Variants in TRIM9 observed in about 807,000 individuals in gnomAD.
TRIM9 encodes the protein E3 ubiquitin-protein ligase TRIM9.
TRIM9 carries 26 observed loss-of-function variants against 78.3 expected under a neutral mutation model. The ratio of observed to expected loss-of-function variants is 0.33; its 90% CI spans 0.24 to 0.46. The LOEUF is 0.46. Ranked by LOEUF, TRIM9 falls within the 20% of genes least tolerant of loss-of-function variation. The pLI, the probability that TRIM9 is intolerant of heterozygous loss-of-function variation, is 1.00. For synonymous variants in TRIM9, 398 were observed against 416.5 expected (o/e 0.96, Z 0.54); for missense variants, 787 against 1,036.4 (o/e 0.76, Z 3.30).
rs1024900099 is a variant in TRIM9, at chr14:50,982,281, A to G, written c.1859-178T>C. 2.0e-5 allele frequency: 13 copies of G among 664,892 alleles called. No individual in the cohort carries two copies. The Admixed American group carries it at 3.7e-4, about 19-fold the overall frequency. 41.2% of individuals were successfully genotyped at this position (664,892 alleles called of 1,614,324 possible). The stretch of plus-strand genomic sequence containing the variant: ...CCTGGGAGTTGGTACTCTCTGCACC[A>G]GAAGCAGACGGAGGACACACGACCG... On this transcript the variant is annotated intron_variant, in intron 10 of 12. Coordinates refer to ENST00000684578, the MANE Select transcript of TRIM9 (RefSeq NM_001387360.1).
chr14:50,985,058 G>A (rs2052512351), intron 8 of TRIM9, among the ~76,000 whole-genome samples: 1 of 152,162 alleles, frequency 6.6e-6, no homozygotes, highest in Admixed American at 6.5e-5. Context: ...AGAAACCTTT[G>A]GAAATATGAA....
At chr14:50,981,492 T>C (rs1275378732) in intron 11 of TRIM9, among the ~76,000 whole-genome samples, 17 of 152,224 alleles carry the variant, frequency 1.1e-4, no homozygotes, top group Non-Finnish European at 2.4e-4. Flanking sequence ...TGTTAAGTTG[T>C]AGGTCTGGGT....
At chr14:50,995,929 G>A (rs1237189545) in intron 7 of TRIM9, 1 of 209,600 alleles carries the variant, frequency 4.8e-6, no homozygotes, top group East Asian at 1.8e-4. Context: ...TGATCCTATA[G>A]GCTTTGTCTA....
intron 1 of TRIM9, among the ~76,000 whole-genome samples, chr14:51,064,021 T>C (rs1201752795): frequency 6.6e-6 from 1 of 152,110 alleles, no homozygotes; most frequent in Non-Finnish European, 1.5e-5. Flanking sequence ...GCAAAAATTA[T>C]AGCACTATAT....
At chr14:51,011,281 T>C (rs762847571) in intron 3 of TRIM9, among the ~76,000 whole-genome samples, 9 of 152,204 alleles carry the variant, frequency 5.9e-5, no homozygotes, top group African/African-American at 1.9e-4. Context: ...ATGCATGACA[T>C]TCCTTGAACA....
At chr14:50,997,158 A>T in intron 7 of TRIM9, 1 of 985,358 alleles carries the variant, frequency 1.0e-6, no homozygotes, top group Non-Finnish European at 1.2e-6. Context: ...ATGCTTTGGC[A>T]CCAGCCACAA....
intron 1 of TRIM9, among the ~76,000 whole-genome samples, chr14:51,047,268 T>C (rs2060020441): frequency 6.6e-6 from 1 of 152,192 alleles, no homozygotes; most frequent in Non-Finnish European, 1.5e-5. Context: ...ACTCAAGCAT[T>C]ACCTCCTCTG....
At chr14:50,980,602 A>T (rs2051740770) in intron 11 of TRIM9, among the ~76,000 whole-genome samples, 1 of 152,220 alleles carries the variant, frequency 6.6e-6, no homozygotes, top group Non-Finnish European at 1.5e-5. Context: ...GCATAGTGTG[A>T]TGGTTATGTC....
At chr14:51,047,420 G>A (rs2060035330) in intron 1 of TRIM9, among the ~76,000 whole-genome samples, 1 of 152,144 alleles carries the variant, frequency 6.6e-6, no homozygotes, top group South Asian at 2.1e-4. Flanking sequence ...GGACCCATAG[G>A]TGACTTTTGA....
In TRIM9 at chr14:51,025,371, A is replaced by G. The variant is rs768392157; in HGVS notation, c.823-11T>C. On this transcript the variant is annotated splice_polypyrimidine_tract_variant and intron_variant, in intron 1 of 12. Coordinates refer to ENST00000684578, the MANE Select transcript of TRIM9 (RefSeq NM_001387360.1). ...CTGGGAGAGCTGGCTCTGCAAAGAC[A>G]AAGAAGGAAGCCATGGAGCTGTAAT... The G allele has an allele frequency of 6.2e-7, 1 of 1,613,654 alleles. No individual in the cohort carries two copies. The highest frequency in any genetic ancestry group is 8.5e-7 in the Non-Finnish European group (1 of 1,179,734).
At chr14:51,067,209 C>T (rs1444774898) in intron 1 of TRIM9, among the ~76,000 whole-genome samples, 1 of 152,158 alleles carries the variant, frequency 6.6e-6, no homozygotes, top group African/African-American at 2.4e-5. Context: ...ATACATAGTG[C>T]CATTATTTAG....
chr14:50,980,002 A>G (rs1353696263), intron 11 of TRIM9, among the ~76,000 whole-genome samples: 1 of 152,258 alleles, frequency 6.6e-6, no homozygotes, highest in Non-Finnish European at 1.5e-5. Flanking sequence ...TGAATTAAAT[A>G]TCATTAAATA....
chr14:51,032,614 G>A (rs149479347), intron 1 of TRIM9, among the ~76,000 whole-genome samples: 41 of 152,266 alleles, frequency 2.7e-4, no homozygotes, highest in African/African-American at 9.6e-4. Flanking sequence ...TTCAATCCTG[G>A]CTTCCTCACT....
At position 51,094,634 on chromosome 14, in the gene TRIM9, A is replaced by G. The variant is rs1361516116; in HGVS notation, c.306T>C (p.Phe102=). 1 of 1,607,104 alleles carries G rather than the reference A, an allele frequency of 6.2e-7. No individual in the cohort carries two copies. The highest frequency in any genetic ancestry group is 2.2e-5 in the East Asian group (1 of 44,690). The change falls in exon 1 of 13, where the codon TTT becomes TTC. Residue 102 remains phenylalanine (F), a synonymous_variant. Transcript: ENST00000684578. Reference sequence around the variant, plus strand: ...TGGCCGGTGGCGGCATAGCCGGGGGAAACACGCGGACGCCGTTGGGGGACT... The same window carrying G: ...TGGCCGGTGGCGGCATAGCCGGGGGGAACACGCGGACGCCGTTGGGGGACT... The part of the protein sequence containing the change: ...CQKSPNGVRV[F]PPAMPPPATH...
intron 1 of TRIM9, among the ~76,000 whole-genome samples, chr14:51,079,815 G>T (rs1325451738): frequency 6.6e-6 from 1 of 152,134 alleles, no homozygotes; most frequent in African/African-American, 2.4e-5. Flanking sequence ...ACTGTACACA[G>T]GTCAGAACAA....
intron 11 of TRIM9, among the ~76,000 whole-genome samples, 154 bp from the exon 12 acceptor site, chr14:50,979,703 T>C (rs911222695): frequency 9.2e-5 from 14 of 152,332 alleles, no homozygotes; most frequent in African/African-American, 3.4e-4. Flanking sequence ...TAAATTTTAA[T>C]ACCGCAGATA....
chr14:51,058,695 A>G (rs550784173), intron 1 of TRIM9, among the ~76,000 whole-genome samples: 5 of 152,342 alleles, frequency 3.3e-5, no homozygotes, highest in Non-Finnish European at 7.3e-5. Flanking sequence ...AGATATACTC[A>G]GCTGTCTTTT....
chr14:51,002,627 A>G (rs2055226775), intron 5 of TRIM9, among the ~76,000 whole-genome samples: 1 of 152,218 alleles, frequency 6.6e-6, no homozygotes, highest in Non-Finnish European at 1.5e-5. Context: ...TGTCTTGTGC[A>G]CTGAATTAAA....
chr14:51,069,245 G>A (rs1717581508), intron 1 of TRIM9, among the ~76,000 whole-genome samples: 1 of 152,184 alleles, frequency 6.6e-6, no homozygotes, highest in South Asian at 2.1e-4. Context: ...CAGGAACAGA[G>A]AAAGATGAGT....
Sources: gnomAD v4.1 joint callset for allele counts (sites outside exome capture counted in the v4.1 genomes callset) on GRCh38, gnomAD v4.1.1 for gene constraint, MANE v1.5 for transcripts, NCBI Gene and HGNC (gene_info 2026-07-23, HGNC 2026-07-21) for gene names.